Variants in TUBGCP3 observed in about 807,000 individuals in gnomAD.
The protein encoded by TUBGCP3 is tubulin gamma complex component 3.
TUBGCP3 carries 50 observed loss-of-function variants against 123.1 expected under a neutral mutation model. The ratio of observed to expected loss-of-function variants is 0.41; its 90% confidence interval spans 0.32 to 0.51. The LOEUF is 0.51. TUBGCP3 is among the 20% of genes least tolerant of loss of function. TUBGCP3 has a pLI of 0.36. For synonymous variants in TUBGCP3, 405 were observed against 413.9 expected, an observed-to-expected ratio of 0.98 and a Z score of 0.26; for missense variants, 882 against 1,127.0, an observed-to-expected ratio of 0.78 and a Z score of 3.11.
intron 20 of TUBGCP3, among the ~76,000 whole-genome samples, chr13:112,497,586 G>A (rs1880608037): frequency 6.6e-6 from 1 of 152,216 alleles, no homozygotes; most frequent in Non-Finnish European, 1.5e-5. Context: ...TGACATTAAA[G>A]ACAGACACAT....
chr13:112,594,069 A>C, the TUBGCP3 span, among the ~76,000 whole-genome samples: 2 of 152,238 alleles, frequency 1.3e-5, no homozygotes, highest in Non-Finnish European at 2.9e-5. Flanking sequence ...GATCTGAGCC[A>C]AATGGCTTCA....
intron 20 of TUBGCP3, among the ~76,000 whole-genome samples, chr13:112,498,157 A>T (rs1196789844): frequency 1.3e-5 from 2 of 152,190 alleles, no homozygotes; most frequent in African/African-American, 2.4e-5. Flanking sequence ...ACAGGTATAT[A>T]AACATACATA....
intron 21 of TUBGCP3, among the ~76,000 whole-genome samples, chr13:112,488,549 T>C (rs1280990056): frequency 1.3e-5 from 2 of 152,074 alleles, no homozygotes; most frequent in Non-Finnish European, 2.9e-5. Flanking sequence ...AAATGAAGGC[T>C]ACAGAGACGC....
chr13:112,500,636 T>C (rs1367255347), intron 19 of TUBGCP3, among the ~76,000 whole-genome samples: 1 of 152,196 alleles, frequency 6.6e-6, no homozygotes, highest in Non-Finnish European at 1.5e-5. Flanking sequence ...ACAACTGTAC[T>C]TGAGAAGCAT....
At chr13:112,538,196 A>C (rs1878225520) in intron 11 of TUBGCP3, among the ~76,000 whole-genome samples, 1 of 152,326 alleles carries the variant, frequency 6.6e-6, no homozygotes, top group South Asian at 2.1e-4. Context: ...AAAAAATCCA[A>C]GCATCTTGGA....
chr13:112,495,163 C>A (rs552830313), intron 20 of TUBGCP3, among the ~76,000 whole-genome samples: 1 of 152,304 alleles, frequency 6.6e-6, no homozygotes, highest in African/African-American at 2.4e-5. Context: ...AGTTTCCCCC[C>A]AGTGTTTTCC....
At chr13:112,588,411 GGT>G (rs1566600520), upstream of TUBGCP3, among the ~76,000 whole-genome samples, 2 of 152,170 alleles carry the variant, frequency 1.3e-5, no homozygotes, top group East Asian at 3.9e-4. Context: ...TGGGTGTGGG[GGT>G]GTGTGTGTTA....
chr13:112,595,627 A>C, the TUBGCP3 span, among the ~76,000 whole-genome samples: 6 of 152,172 alleles, frequency 3.9e-5, no homozygotes, highest in Non-Finnish European at 8.8e-5. Flanking sequence ...TGATATTAAT[A>C]GGACTGCCTC....
At chr13:112,592,964 G>A (rs1413216623), upstream of TUBGCP3, among the ~76,000 whole-genome samples, 1 of 152,152 alleles carries the variant, frequency 6.6e-6, no homozygotes, top group Non-Finnish European at 1.5e-5. The surrounding 1 kb of genome is among the most constrained non-coding windows in gnomAD (Gnocchi z 4.1). Context: ...AACTAGTTTC[G>A]AAAAAGAAAG....
At chr13:112,514,992 A>G (rs932817092) in intron 17 of TUBGCP3, among the ~76,000 whole-genome samples, 6 of 152,234 alleles carry the variant, frequency 3.9e-5, no homozygotes, top group African/African-American at 1.2e-4. Context: ...GGGAAGGATC[A>G]GCAGAAGAAG....
At chr13:112,592,612 G>A (rs1882901505), upstream of TUBGCP3, among the ~76,000 whole-genome samples, 1 of 152,206 alleles carries the variant, frequency 6.6e-6, no homozygotes, top group Admixed American at 6.5e-5. This position sits in a 1 kb window ranked among gnomAD's most constrained non-coding sequence, Gnocchi z 4.1. Context: ...AGGCAGCTGA[G>A]AGTGGAAAAG....
intron 20 of TUBGCP3, among the ~76,000 whole-genome samples, chr13:112,498,349 C>T (rs1293453071): frequency 2.0e-5 from 3 of 152,176 alleles, no homozygotes; most frequent in African/African-American, 7.2e-5. Context: ...TGCAAGTCTA[C>T]ACATGAAATT....
At chr13:112,537,807 T>C (rs1222545887) in intron 11 of TUBGCP3, among the ~76,000 whole-genome samples, 2 of 152,238 alleles carry the variant, frequency 1.3e-5, no homozygotes, top group Non-Finnish European at 2.9e-5. Context: ...AATGATTCAA[T>C]CTCTTTACCT....
intron 1 of TUBGCP3, among the ~76,000 whole-genome samples, chr13:112,570,734 A>G (rs1345186179): frequency 6.6e-6 from 1 of 152,220 alleles, no homozygotes; most frequent in Non-Finnish European, 1.5e-5. Context: ...CTTCTTCTCT[A>G]TAGCATGTGA....
intron 3 of TUBGCP3, among the ~76,000 whole-genome samples, chr13:112,559,812 G>GC (rs1880348373): frequency 6.6e-6 from 1 of 152,176 alleles, no homozygotes; most frequent in African/African-American, 2.4e-5. Flanking sequence ...GCACAAGTTA[G>GC]TCTCAGCATC....
chr13:112,569,329 T>C, intron 1 of TUBGCP3, 70 bp from the exon 2 acceptor site: 1 of 1,416,722 alleles, frequency 7.1e-7, no homozygotes, highest in South Asian at 1.2e-5. Flanking sequence ...AAGCTTCCAG[T>C]TCAAGACAGT....
upstream of TUBGCP3, among the ~76,000 whole-genome samples, chr13:112,591,676 A>T (rs1882885782): frequency 6.6e-6 from 1 of 152,212 alleles, no homozygotes; most frequent in Non-Finnish European, 1.5e-5. Flanking sequence ...GTTTCTCAGG[A>T]CAGTCATTGG....
chr13:112,585,366 TAGC>T (rs1359875582), intron 1 of TUBGCP3, among the ~76,000 whole-genome samples: 2 of 152,204 alleles, frequency 1.3e-5, no homozygotes, highest in Non-Finnish European at 2.9e-5. Context: ...CTTCAGTAAA[TAGC>T]AGCATAATTT....
chr13:112,489,093 T>G (rs1339329016), intron 21 of TUBGCP3, among the ~76,000 whole-genome samples: 19 of 69,488 alleles, frequency 2.7e-4, no homozygotes, highest in Admixed American at 5.2e-4. Context: ...CCCACCACAG[T>G]GGAGCACAGG....
Sources: gnomAD v4.1 joint callset for allele counts (sites outside exome capture counted in the v4.1 genomes callset) on GRCh38, gnomAD v4.1.1 for gene constraint, Gnocchi (gnomAD v3.1) non-coding constraint, MANE v1.5 for transcripts, NCBI Gene and HGNC (gene_info 2026-07-23, HGNC 2026-07-21) for gene names.